ZNF664: variants seen among roughly 807,000 people sequenced by gnomAD.
ZNF664 encodes the protein zinc finger protein 664.
ZNF664 carries 10 observed loss-of-function variants against 18.2 expected under a neutral mutation model. That is an observed-to-expected ratio of 0.55 (90% CI 0.34 to 0.93). The LOEUF (loss-of-function observed/expected upper bound fraction) is 0.93, where lower values mean the gene tolerates loss of function less well. ZNF664 is among the 40% of genes least tolerant of loss of function. The pLI is 0.02. For synonymous variants in ZNF664, 119 were observed against 104.2 expected (o/e 1.14, Z -0.86); for missense variants, 193 against 319.0 (o/e 0.61, Z 3.01).
intron 3 of ZNF664, among the ~76,000 whole-genome samples, chr12:124,001,749 T>A (rs1957015036): frequency 6.6e-6 from 1 of 152,192 alleles, no homozygotes; most frequent in Non-Finnish European, 1.5e-5. Context: ...GAACATTGTC[T>A]CCCCACTAGA....
chr12:124,005,522 T>A (rs10161459), intron 3 of ZNF664, among the ~76,000 whole-genome samples: 11 of 148,770 alleles, frequency 7.4e-5, no homozygotes, highest in East Asian at 6.0e-4. Context: ...TGTGTGTGTG[T>A]GTGAGAGATA....
intron 2 of ZNF664, among the ~76,000 whole-genome samples, chr12:123,975,781 A>G (rs1185147266): frequency 6.6e-6 from 1 of 152,242 alleles, no homozygotes; most frequent in African/African-American, 2.4e-5. Context: ...TAAACATATT[A>G]GCAAACTGAA....
intron 2 of ZNF664, among the ~76,000 whole-genome samples, chr12:123,986,370 A>G (rs552210503): frequency 2.9e-3 from 441 of 152,294 alleles, no homozygotes; most frequent in African/African-American, 0.01. Flanking sequence ...GAGGTCTCTC[A>G]CGGCATCACT....
In ZNF664 at chr12:123,975,435, A is replaced by AG. The variant is rs1491285463; in HGVS notation, c.-757+1415_-757+1416insG. Among the ~76,000 whole-genome samples, 1,183 of 150,574 alleles carry AG rather than the reference A, an allele frequency of 7.9e-3. 17 individuals carry two copies. The highest frequency in any genetic ancestry group is 0.027 in the African/African-American group (1,102 of 41,014). The stretch of plus-strand genomic sequence containing the variant: ...TTCCTCTTCATTAAAAAAAAAAAAA[A>AG]AGAGAGAGAGATAGGGTCTCTTTCT... On this transcript the variant is annotated intron_variant, in intron 2 of 4. Coordinates refer to ENST00000337815, the MANE Select transcript of ZNF664 (RefSeq NM_152437.3).
intron 3 of ZNF664, among the ~76,000 whole-genome samples, chr12:124,003,087 G>T (rs908140840): frequency 6.6e-6 from 1 of 152,196 alleles, no homozygotes; most frequent in Admixed American, 6.5e-5. Flanking sequence ...CATGTTTTCA[G>T]TGGCATGTTG....
chr12:124,010,730 A>C (rs745546023), intron 3 of ZNF664, among the ~76,000 whole-genome samples: 2 of 152,226 alleles, frequency 1.3e-5, no homozygotes, highest in Non-Finnish European at 2.9e-5. Flanking sequence ...CAGGTTAAAA[A>C]CCAGGGAACC....
At chr12:124,002,142 G>A (rs1203815071) in intron 3 of ZNF664, among the ~76,000 whole-genome samples, 3 of 152,214 alleles carry the variant, frequency 2.0e-5, no homozygotes, top group Non-Finnish European at 2.9e-5. Flanking sequence ...GGAAGACAAC[G>A]CATGTGCTGA....
intron 3 of ZNF664, among the ~76,000 whole-genome samples, chr12:123,991,526 T>G (rs1412859280): frequency 6.6e-6 from 1 of 152,196 alleles, no homozygotes; most frequent in Non-Finnish European, 1.5e-5. Context: ...CATGCACTAA[T>G]TAAAATAAAG....
In ZNF664 at chr12:124,012,226, G is replaced by C; in HGVS notation, c.82G>C (p.Glu28Gln). The part of the protein sequence containing the change: ...LFMHQKIHTA[E>Q]KPHKCDKCDK... ...TATGCATCAGAAAATTCACACAGCT[G>C]AGAAGCCCCATAAATGTGACAAGTG... is the stretch of plus-strand genomic sequence containing the variant. Residue 28 changes from glutamate (E) to glutamine (Q), a missense_variant, in exon 5 of 5, where the codon GAG becomes CAG. Transcript: ENST00000337815. The C allele has an allele frequency of 6.2e-7, 1 of 1,614,172 alleles. No individual in the cohort carries two copies. The highest frequency in any genetic ancestry group is 8.5e-7 in the Non-Finnish European group (1 of 1,180,038).
rs145511337 is a variant in ZNF664 at position 124,001,922 on chromosome 12, C to T, written c.-660-9459C>T. Reference sequence around the variant, plus strand: ...ATTCACAAATTTCATAAATTCTCTGCAGTTTCTGCTGATCAAGGAGCTTGC... The same window carrying T: ...ATTCACAAATTTCATAAATTCTCTGTAGTTTCTGCTGATCAAGGAGCTTGC... On this transcript the variant is annotated intron_variant, in intron 3 of 4. Coordinates refer to ENST00000337815, the MANE Select transcript of ZNF664 (RefSeq NM_152437.3). Among the ~76,000 whole-genome samples the T allele has an allele frequency of 3.7e-3, 571 of 152,346 alleles. 6 individuals are homozygous for T. Among genetic ancestry groups the T allele is most frequent in the African/African-American group, 0.013 (552 of 41,574 alleles).
chr12:123,973,624 A>G (rs1330179345), intron 1 of ZNF664: 34 of 473,428 alleles, frequency 7.2e-5, no homozygotes, highest in Non-Finnish European at 9.4e-5. Context: ...GGGGGCGCAG[A>G]TGGCGGCCGG....
intron 3 of ZNF664, among the ~76,000 whole-genome samples, chr12:123,995,527 T>C (rs1476803160): frequency 6.6e-6 from 1 of 152,106 alleles, no homozygotes; most frequent in African/African-American, 2.4e-5. Flanking sequence ...ATGATATGAA[T>C]GTTAATCCCA....
Position 123,973,864 on chromosome 12 carries a change from T to G in ZNF664, c.-891-22T>G, listed in dbSNP as rs547454330. On this transcript the variant is annotated intron_variant, in intron 1 of 4. Coordinates refer to ENST00000337815, the MANE Select transcript of ZNF664 (RefSeq NM_152437.3). The stretch of plus-strand genomic sequence containing the variant: ...GGCGGCTGCGGAGGAGCCGGCTGCA[T>G]GGGGTGCTGTGTGTTTTTCAGGGCG... 1.0e-4 allele frequency: 114 copies of G among 1,106,326 alleles called. 1 individual carries two copies. The East Asian group carries it at 3.3e-3, about 32-fold the overall frequency. The allele number at this position is 1,106,326 out of a possible 1,614,324, so 68.5% of individuals were successfully genotyped here.
At chr12:123,974,978 T>C (rs919260784) in intron 2 of ZNF664, among the ~76,000 whole-genome samples, 1 of 152,222 alleles carries the variant, frequency 6.6e-6, no homozygotes, top group Non-Finnish European at 1.5e-5. Flanking sequence ...ATGATGAAGT[T>C]CTCTTTTGGT....
Position 124,012,090 on chromosome 12 carries a change from C to T in ZNF664, c.-55C>T. ...ACTCTATGAAATAACAGTCTTGTAACTGTAGTAATCATAAGGAAATTTTCT... is the reference window on the plus strand; with the variant it reads ...ACTCTATGAAATAACAGTCTTGTAATTGTAGTAATCATAAGGAAATTTTCT... On this transcript the variant is annotated 5_prime_UTR_variant, in exon 5 of 5. Transcript: ENST00000337815. 2 of 1,549,452 alleles carry T rather than the reference C, an allele frequency of 1.3e-6. No homozygotes were observed. The highest frequency in any genetic ancestry group is 1.7e-6 in the Non-Finnish European group (2 of 1,156,438).
chr12:124,011,763 T>C lies in ZNF664; in HGVS notation c.-382T>C, dbSNP rs1478816239. The C allele has an allele frequency of 2.8e-6, 3 of 1,076,086 alleles. No homozygotes were observed. Among genetic ancestry groups the C allele is most frequent in the Non-Finnish European group, 3.4e-6 (3 of 891,588 alleles). The allele number at this position is 1,076,086 out of a possible 1,614,324, so 66.7% of individuals were successfully genotyped here. A position where few individuals can be genotyped will look rare whatever the true frequency, so the allele number is the denominator to read the frequency against. ...TACTGTACAGTCCTTTTTCTAGAAG[T>C]GAGACATACAAGATTACTCTACAAG... On this transcript the variant is annotated 5_prime_UTR_variant, in exon 5 of 5. Transcript: ENST00000337815.
intron 3 of ZNF664, chr12:124,003,436 C>G (rs964119608): frequency 2.0e-5 from 3 of 149,352 alleles, no homozygotes; most frequent in Non-Finnish European, 3.0e-5. Context: ...CTTGCTCTGT[C>G]GCCCAGGCTG....
At position 123,973,237 on chromosome 12, in the gene ZNF664, G is replaced by A. The variant is rs1956612933; in HGVS notation, c.-1007G>A. The A allele has an allele frequency of 2.0e-6, 2 of 990,670 alleles. No homozygotes were observed. The highest frequency in any genetic ancestry group is 6.2e-5 in the Admixed American group (1 of 16,140). 61.4% of individuals were successfully genotyped at this position (990,670 alleles called of 1,614,324 possible). A position where few individuals can be genotyped will look rare whatever the true frequency, so the allele number is the denominator to read the frequency against. On this transcript the variant is annotated 5_prime_UTR_variant, in exon 1 of 5. Transcript: ENST00000337815. ...CGCGCGCTGTCCCCCGGAGGCGTCT[G>A]GGTGTGCGGAGCGCGCGCGCGCGCG...
chr12:123,976,519 A>T (rs1035192894), intron 2 of ZNF664, among the ~76,000 whole-genome samples: 1 of 152,192 alleles, frequency 6.6e-6, no homozygotes, highest in Non-Finnish European at 1.5e-5. Context: ...GGCAGGTTAA[A>T]GTGGTTGTAT....
Sources: allele counts gnomAD v4.1 joint callset (sites outside exome capture counted in the v4.1 genomes callset), GRCh38; gene constraint gnomAD v4.1.1; transcripts MANE v1.5; gene names NCBI Gene and HGNC (gene_info 2026-07-23, HGNC 2026-07-21).